Variants in GRID2 observed in about 807,000 individuals in gnomAD.
GRID2 encodes glutamate receptor ionotropic, delta-2.
A neutral mutation model predicts 114.8 loss-of-function variants in GRID2; 33 were observed. The observed-to-expected ratio is 0.29, with a 90% CI of 0.22 to 0.38. The LOEUF (loss-of-function observed/expected upper bound fraction) is 0.38, where lower values mean the gene tolerates loss of function less well. Among genes scored for constraint, GRID2 ranks in the 10% least tolerant of loss-of-function variants. The probability of loss-of-function intolerance (pLI) is 1.00; values close to 1 mark genes in which losing one functional copy is unlikely to be tolerated. For synonymous variants in GRID2, 505 were observed against 449.9 expected (o/e 1.12, Z -1.55); for missense variants, 1,184 against 1,257.7 (o/e 0.94, Z 0.89).
chr4:93,560,801 A>T (rs2149562678), intron 13 of GRID2, among the ~76,000 whole-genome samples: 1 of 152,270 alleles, frequency 6.6e-6, no homozygotes, highest in East Asian at 1.9e-4. Flanking sequence ...TATTTTATAC[A>T]GACATCATGG....
chr4:92,432,623 G>T (rs1732516756), intron 1 of GRID2, among the ~76,000 whole-genome samples: 1 of 152,084 alleles, frequency 6.6e-6, no homozygotes, highest in Non-Finnish European at 1.5e-5. Flanking sequence ...TCAGGCCTGA[G>T]TCTCTCTCTT....
chr4:93,485,778 A>G (rs1726328045), intron 11 of GRID2, among the ~76,000 whole-genome samples: 1 of 151,738 alleles, frequency 6.6e-6, no homozygotes, highest in Non-Finnish European at 1.5e-5. Flanking sequence ...TATAGTCATC[A>G]AGAGCCAGTT....
intron 2 of GRID2, among the ~76,000 whole-genome samples, chr4:92,721,237 TTA>T (rs1044564694): frequency 6.6e-5 from 10 of 152,154 alleles, no homozygotes; most frequent in African/African-American, 1.9e-4. Context: ...AAAGAGGCTG[TTA>T]TAAAATGTGA....
chr4:93,353,382 A>G (rs529094696), intron 8 of GRID2, among the ~76,000 whole-genome samples: 7 of 152,184 alleles, frequency 4.6e-5, no homozygotes, highest in Admixed American at 1.3e-4. Flanking sequence ...AATCAGAAAC[A>G]GCTAGATGTG....
At chr4:92,411,406 A>G in intron 1 of GRID2, among the ~76,000 whole-genome samples, 1 of 151,996 alleles carries the variant, frequency 6.6e-6, no homozygotes, top group Non-Finnish European at 1.5e-5. Flanking sequence ...TACAAAATAG[A>G]GATCAATCTC....
At chr4:93,101,798 C>T (rs529648046) in intron 3 of GRID2, among the ~76,000 whole-genome samples, 1 of 152,148 alleles carries the variant, frequency 6.6e-6, no homozygotes, top group South Asian at 2.1e-4. Context: ...ATAAGTAACA[C>T]AATACAGATA....
At chr4:92,908,561 C>CAAAAAAA (rs762037449) in intron 2 of GRID2, among the ~76,000 whole-genome samples, 4 of 35,962 alleles carry the variant, frequency 1.1e-4, no homozygotes, top group East Asian at 7.7e-4. Context: ...GACTCCATCT[C>CAAAAAAA]AAAAAAAAAA....
intron 13 of GRID2, among the ~76,000 whole-genome samples, chr4:93,590,694 A>G (rs569678263): frequency 1.3e-5 from 2 of 152,298 alleles, no homozygotes; most frequent in Middle Eastern, 3.4e-3. Context: ...TGAGCATGGA[A>G]TGTTCTTCCA....
At chr4:93,702,088 T>A (rs543779169) in intron 14 of GRID2, among the ~76,000 whole-genome samples, 6,384 of 152,186 alleles carry the variant, frequency 0.042, 208 homozygotes, top group African/African-American at 0.084. Flanking sequence ...ATTAGACTTT[T>A]ATTATGAAAT....
At chr4:93,717,273 G>A (rs974515931) in intron 14 of GRID2, among the ~76,000 whole-genome samples, 5 of 152,108 alleles carry the variant, frequency 3.3e-5, no homozygotes, top group Non-Finnish European at 5.9e-5. Context: ...GGGAGTGGAA[G>A]GAGAAGTATT....
intron 4 of GRID2, among the ~76,000 whole-genome samples, chr4:93,188,236 A>G (rs530980103): frequency 6.6e-6 from 1 of 152,246 alleles, no homozygotes; most frequent in South Asian, 2.1e-4. Context: ...TTCATTTGAA[A>G]TCTAGAGTCA....
At chr4:92,590,358 T>G in intron 2 of GRID2, 72 bp downstream of exon 2, 1 of 1,045,632 alleles carries the variant, frequency 9.6e-7, no homozygotes, top group Non-Finnish European at 1.4e-6. Flanking sequence ...TTGATGAAAC[T>G]TATTAAACAT....
chr4:92,613,900 A>G (rs1729875648), intron 2 of GRID2, among the ~76,000 whole-genome samples: 1 of 151,198 alleles, frequency 6.6e-6, no homozygotes, highest in Non-Finnish European at 1.5e-5. Flanking sequence ...TTTGTTTTTT[A>G]AACTTTTTTA....
rs574825914 is a variant in GRID2 at position 93,346,477 on chromosome 4, C to CATTTT, written c.1246-49129_1246-49125dup. ...TTTTCCCCCTTCTCTGATCTTGCTA[C>CATTTT]ATTTTTATTTTTATTTTTTGTTCCA... On this transcript the variant is annotated intron_variant, in intron 8 of 15. Coordinates refer to ENST00000282020, the MANE Select transcript of GRID2 (RefSeq NM_001510.4). Among the ~76,000 whole-genome samples the CATTTT allele has an allele frequency of 2.9e-3, 446 of 152,194 alleles. 2 individuals are homozygous for CATTTT. The highest frequency in any genetic ancestry group is 9.9e-3 in the African/African-American group (412 of 41,568).
intron 2 of GRID2, among the ~76,000 whole-genome samples, chr4:93,061,356 G>A (rs1727792587): frequency 6.6e-6 from 1 of 151,766 alleles, no homozygotes; most frequent in African/African-American, 2.4e-5. Flanking sequence ...GGGACCAGCG[G>A]CTAGATAGAA....
chr4:93,106,068 C>A (rs1732197328), intron 3 of GRID2, among the ~76,000 whole-genome samples: 1 of 152,140 alleles, frequency 6.6e-6, no homozygotes, highest in Non-Finnish European at 1.5e-5. Context: ...ATTAATGAGC[C>A]TTCCACCACC....
rs191452052 is a variant in GRID2 at position 92,618,628 on chromosome 4, A to G, written c.244+28342A>G. On this transcript the variant is annotated intron_variant, in intron 2 of 15. Coordinates refer to ENST00000282020, the MANE Select transcript of GRID2 (RefSeq NM_001510.4). ...TTAGCAATATTAACTCTTCCTATCC[A>G]TAAGTATGGGATGCTTTTCCATTTG... is the stretch of plus-strand genomic sequence containing the variant. 5.9e-5 allele frequency among the ~76,000 whole-genome samples: 9 copies of G among 151,850 alleles called. No individual in the cohort carries two copies. The East Asian group carries it at 9.7e-4, about 16-fold the overall frequency.
intron 14 of GRID2, among the ~76,000 whole-genome samples, chr4:93,645,891 C>G (rs1275285730): frequency 6.6e-6 from 1 of 152,102 alleles, no homozygotes. Context: ...CCTTTTTCAT[C>G]TTCCATAATA....
In GRID2 at chr4:93,464,387, G is replaced by A. The variant is rs115125201; in HGVS notation, c.1858+8413G>A. Among the ~76,000 whole-genome samples the A allele has an allele frequency of 3.2e-3, 494 of 152,226 alleles. 3 individuals are homozygous for A. The highest frequency in any genetic ancestry group is 5.3e-3 in the Non-Finnish European group (357 of 67,992). On this transcript the variant is annotated intron_variant, in intron 11 of 15. Transcript: ENST00000282020. ...GAGCCTTCAAAAACAAAGTCAACAT[G>A]TTTTGAAAATTAAGACTGTTAGCAT...
Sources: allele counts gnomAD v4.1 joint callset (sites outside exome capture counted in the v4.1 genomes callset), GRCh38; gene constraint gnomAD v4.1.1; transcripts MANE v1.5; gene names NCBI Gene and HGNC (gene_info 2026-07-23, HGNC 2026-07-21).